The following TNRC6B variants were observed in gnomAD, a reference collection of about 807,000 sequenced individuals.
The protein encoded by TNRC6B is trinucleotide repeat-containing gene 6B protein.
In TNRC6B, 52 loss-of-function variants were observed where a neutral mutation model predicts 203.6. The observed-to-expected ratio is 0.26, with a 90% confidence interval of 0.20 to 0.32. The LOEUF (loss-of-function observed/expected upper bound fraction) is 0.32. Ranked by LOEUF, TNRC6B falls within the 10% of genes least tolerant of loss-of-function variation. The pLI, the probability that TNRC6B is intolerant of heterozygous loss-of-function variation, is 1.00. For synonymous variants in TNRC6B, 838 were observed against 845.7 expected (o/e 0.99, Z 0.16); for missense variants, 1,923 against 2,286.2 (o/e 0.84, Z 3.24).
chr22:40,162,533 T>C (rs1017341063), intron 4 of TNRC6B, among the ~76,000 whole-genome samples: 1 of 152,254 alleles, frequency 6.6e-6, no homozygotes, highest in Non-Finnish European at 1.5e-5. Context: ...TAAAAATATT[T>C]CCAAATCATA....
At chr22:40,061,276 G>GTGAT (rs1275489844) in intron 1 of TNRC6B, among the ~76,000 whole-genome samples, 1 of 152,106 alleles carries the variant, frequency 6.6e-6, no homozygotes, top group Non-Finnish European at 1.5e-5. Context: ...GTGCAATGGT[G>GTGAT]TGATCTTGGC....
chr22:40,113,070 G>T (rs763388036), intron 1 of TNRC6B, among the ~76,000 whole-genome samples: 4 of 152,148 alleles, frequency 2.6e-5, no homozygotes, highest in Non-Finnish European at 5.9e-5. Flanking sequence ...TTGCGTCACT[G>T]CACTCCAGCC....
chr22:40,207,384 G>A (rs2069493036), intron 1 of TNRC6B, among the ~76,000 whole-genome samples: 1 of 143,894 alleles, frequency 6.9e-6, no homozygotes, highest in Admixed American at 7.2e-5. Flanking sequence ...CCCAGCCTGG[G>A]CGATGGAGTG....
At chr22:40,305,695 A>G (rs1280074735) in intron 15 of TNRC6B, among the ~76,000 whole-genome samples, 1 of 151,860 alleles carries the variant, frequency 6.6e-6, no homozygotes, top group African/African-American at 2.4e-5. Flanking sequence ...TCTTTCTCTT[A>G]CCCCTTGGAT....
chr22:40,282,911 C>T (rs973220526), intron 11 of TNRC6B, among the ~76,000 whole-genome samples: 3 of 152,122 alleles, frequency 2.0e-5, no homozygotes, highest in African/African-American at 7.2e-5. Flanking sequence ...TACCACCAGA[C>T]TCAGGTAATT....
chr22:40,142,428 A>G (rs1040523632), intron 3 of TNRC6B, among the ~76,000 whole-genome samples: 1 of 152,126 alleles, frequency 6.6e-6, no homozygotes, highest in African/African-American at 2.4e-5. Context: ...TCTTTGCTTT[A>G]AAAAGCATGC....
intron 12 of TNRC6B, among the ~76,000 whole-genome samples, chr22:40,299,100 A>C (rs1435699970): frequency 2.0e-5 from 3 of 146,482 alleles, no homozygotes; most frequent in Non-Finnish European, 4.5e-5. Context: ...AGCCATGATC[A>C]CGCCACTGCA....
intron 4 of TNRC6B, among the ~76,000 whole-genome samples, chr22:40,156,567 T>C (rs2068820303): frequency 2.6e-5 from 4 of 152,180 alleles, no homozygotes; most frequent in Admixed American, 2.6e-4. Flanking sequence ...GCAATCTAAG[T>C]GTGAATTTAT....
At chr22:40,316,937 G>A (rs1321536966) in intron 21 of TNRC6B, among the ~76,000 whole-genome samples, 1 of 152,196 alleles carries the variant, frequency 6.6e-6, no homozygotes, top group Non-Finnish European at 1.5e-5. Flanking sequence ...AACAAACAGA[G>A]TAGGGTGGTA....
intron 1 of TNRC6B, among the ~76,000 whole-genome samples, chr22:40,079,784 A>G (rs75722985): frequency 6.6e-6 from 1 of 151,304 alleles, no homozygotes; most frequent in Non-Finnish European, 1.5e-5. Context: ...ACACCTGGCT[A>G]ATTTTTTTTT....
At chr22:40,274,422 C>CTTTTTTT (rs374621260) in intron 7 of TNRC6B, among the ~76,000 whole-genome samples, 1 of 140,688 alleles carries the variant, frequency 7.1e-6, no homozygotes, top group African/African-American at 2.6e-5. Flanking sequence ...AATGATATCT[C>CTTTTTTT]TTTTTTTTTT....
intron 1 of TNRC6B, among the ~76,000 whole-genome samples, chr22:40,233,477 C>T (rs1200796491): frequency 6.6e-6 from 1 of 151,700 alleles, no homozygotes; most frequent in Non-Finnish European, 1.5e-5. Flanking sequence ...CAAAAATTAG[C>T]CCAGCGTGGT....
At chr22:40,255,828 G>A (rs973322516) in intron 3 of TNRC6B, among the ~76,000 whole-genome samples, 6 of 152,006 alleles carry the variant, frequency 3.9e-5, no homozygotes, top group Admixed American at 1.3e-4. Context: ...GTCTATTAAT[G>A]CAGGTGTTTG....
chr22:40,224,657 G>C (rs1569028009), intron 1 of TNRC6B, among the ~76,000 whole-genome samples: 2 of 152,200 alleles, frequency 1.3e-5, no homozygotes, highest in Non-Finnish European at 2.9e-5. Context: ...ATTATGAAAA[G>C]AAAAATCAGC....
At chr22:40,303,281 C>T (rs1456527852) in intron 15 of TNRC6B, among the ~76,000 whole-genome samples, 1 of 152,032 alleles carries the variant, frequency 6.6e-6, no homozygotes, top group Non-Finnish European at 1.5e-5. Context: ...CCACCGTGGC[C>T]TCCCAAAGTG....
intron 4 of TNRC6B, among the ~76,000 whole-genome samples, chr22:40,165,636 T>C (rs2068912616): frequency 1.3e-5 from 2 of 152,220 alleles, no homozygotes; most frequent in African/African-American, 4.8e-5. Flanking sequence ...GAAAGAAGTT[T>C]AATTGACTCA....
chr22:40,084,746 G>A (rs1238829565), intron 1 of TNRC6B, among the ~76,000 whole-genome samples: 1 of 152,184 alleles, frequency 6.6e-6, no homozygotes, highest in Non-Finnish European at 1.5e-5. Flanking sequence ...AGGAAGGCTG[G>A]AGTTTATTGG....
At chr22:40,205,000 A>C (rs2069461661) in intron 1 of TNRC6B, among the ~76,000 whole-genome samples, 1 of 152,172 alleles carries the variant, frequency 6.6e-6, no homozygotes, top group African/African-American at 2.4e-5. Context: ...TAGTTTTTCC[A>C]TTTTGAAGAC....
At chr22:40,171,457 G>T (rs568288498) in intron 4 of TNRC6B, among the ~76,000 whole-genome samples, 1 of 152,124 alleles carries the variant, frequency 6.6e-6, no homozygotes, top group African/African-American at 2.4e-5. Context: ...CACCGCACCC[G>T]GCCATAAATG....
Sources: gnomAD v4.1 joint callset for allele counts (sites outside exome capture counted in the v4.1 genomes callset) on GRCh38, gnomAD v4.1.1 for gene constraint, MANE v1.5 for transcripts, NCBI Gene and HGNC (gene_info 2026-07-23, HGNC 2026-07-21) for gene names.